ATG5: variants seen among roughly 807,000 people sequenced by gnomAD.
ATG5 encodes autophagy protein 5.
A neutral mutation model predicts 36.5 loss-of-function variants in ATG5; 14 were observed. The ratio of observed to expected loss-of-function variants is 0.38; its 90% CI spans 0.25 to 0.60. The LOEUF is 0.60. Ranked by LOEUF, ATG5 falls within the 20% of genes least tolerant of loss-of-function variation. ATG5 has a pLI of 0.60. For synonymous variants in ATG5, 95 were observed against 101.5 expected, an observed-to-expected ratio of 0.94 and a Z score of 0.38; for missense variants, 195 against 326.7, an observed-to-expected ratio of 0.60 and a Z score of 3.11.
At chr6:106,323,816 T>C (rs1348767822) in intron 1 of ATG5, among the ~76,000 whole-genome samples, 2 of 152,188 alleles carry the variant, frequency 1.3e-5, no homozygotes, top group African/African-American at 4.8e-5. Flanking sequence ...ACCCAACTCA[T>C]TCAAAGTACA....
At chr6:106,228,735 C>T (rs1389224441) in intron 6 of ATG5, among the ~76,000 whole-genome samples, 2 of 152,140 alleles carry the variant, frequency 1.3e-5, no homozygotes, top group Admixed American at 6.5e-5. Flanking sequence ...TGGCCTATCC[C>T]TTAGAATTGG....
intron 3 of ATG5, among the ~76,000 whole-genome samples, chr6:106,307,908 C>T (rs886370457): frequency 4.6e-5 from 7 of 152,134 alleles, no homozygotes; most frequent in Non-Finnish European, 7.3e-5. Flanking sequence ...ATTTTAAATA[C>T]TCTAAACCAA....
At chr6:106,214,918 A>AATTCTC (rs1471686428) in intron 6 of ATG5, among the ~76,000 whole-genome samples, 1 of 152,182 alleles carries the variant, frequency 6.6e-6, no homozygotes, top group Non-Finnish European at 1.5e-5. Flanking sequence ...ATTCTTAGTA[A>AATTCTC]TAATTAGGTA....
chr6:106,261,881 G>A, intron 5 of ATG5, among the ~76,000 whole-genome samples: 1 of 152,174 alleles, frequency 6.6e-6, no homozygotes, highest in African/African-American at 2.4e-5. Flanking sequence ...GAGGCCAGAA[G>A]TGCTGCTAAA....
chr6:106,325,643 C>G lies in ATG5; in HGVS notation c.-176G>C, dbSNP rs1465416894. On this transcript the variant is annotated 5_prime_UTR_variant, in exon 1 of 8. Coordinates refer to ENST00000369076, the MANE Select transcript of ATG5 (RefSeq NM_004849.4). ...CGCCTGACACACTGTCCTGCGGGGACGCGGTAGCAGGACTCCAGGAAGCCC... is the reference window on the plus strand; with the variant it reads ...CGCCTGACACACTGTCCTGCGGGGAGGCGGTAGCAGGACTCCAGGAAGCCC... 1.3e-5 allele frequency: 2 copies of G among 152,844 alleles called. No individual in the cohort carries two copies. The highest frequency in any genetic ancestry group is 1.3e-4 in the Admixed American group (2 of 15,296). The allele number at this position is 152,844 out of a possible 1,614,324, so 9.5% of individuals were successfully genotyped here.
At chr6:106,274,583 T>C (rs1417184659) in intron 5 of ATG5, among the ~76,000 whole-genome samples, 1 of 152,194 alleles carries the variant, frequency 6.6e-6, no homozygotes, top group East Asian at 1.9e-4. Flanking sequence ...AAAGGTTTAA[T>C]ATCTCTGACT....
intron 6 of ATG5, among the ~76,000 whole-genome samples, chr6:106,232,505 GA>G (rs1342139445): frequency 6.6e-6 from 1 of 152,074 alleles, no homozygotes; most frequent in African/African-American, 2.4e-5. Context: ...CTGGGCAACA[GA>G]AGGACAATAT....
At chr6:106,202,842 T>C (rs1487648821) in intron 6 of ATG5, among the ~76,000 whole-genome samples, 2 of 152,122 alleles carry the variant, frequency 1.3e-5, no homozygotes, top group African/African-American at 2.4e-5. Flanking sequence ...TTTGTATTTT[T>C]ACTAGAGATG....
At chr6:106,250,194 C>G (rs1778516406) in intron 5 of ATG5, among the ~76,000 whole-genome samples, 1 of 152,094 alleles carries the variant, frequency 6.6e-6, no homozygotes, top group African/African-American at 2.4e-5. Context: ...TATTACTAGA[C>G]CTGTTTGAAT....
intron 3 of ATG5, among the ~76,000 whole-genome samples, 183 bp from the exon 4 acceptor site, chr6:106,293,289 G>A (rs1780392536): frequency 6.6e-6 from 1 of 152,126 alleles, no homozygotes. Flanking sequence ...GGCATCAGGT[G>A]GTTTCCTTCT....
chr6:106,188,007 ATAC>A (rs1299684942), intron 7 of ATG5, among the ~76,000 whole-genome samples: 2 of 152,352 alleles, frequency 1.3e-5, no homozygotes, highest in East Asian at 1.9e-4. Context: ...TCACTTTATA[ATAC>A]TACTAACCTA....
At chr6:106,278,648 T>C (rs1779753364) in intron 5 of ATG5, among the ~76,000 whole-genome samples, 1 of 152,234 alleles carries the variant, frequency 6.6e-6, no homozygotes, top group South Asian at 2.1e-4. Flanking sequence ...TCTATTCAAA[T>C]TTCATTCCCA....
chr6:106,197,322 A>G (rs1249521115), intron 7 of ATG5, among the ~76,000 whole-genome samples: 3 of 152,172 alleles, frequency 2.0e-5, no homozygotes. Flanking sequence ...GAAATGTAAG[A>G]CCAGCCTGGG....
chr6:106,195,904 A>G (rs1044170203), intron 7 of ATG5, among the ~76,000 whole-genome samples: 2 of 152,054 alleles, frequency 1.3e-5, no homozygotes, highest in East Asian at 3.8e-4. Context: ...AATTTAACAG[A>G]ACAAAGAATC....
intron 7 of ATG5, among the ~76,000 whole-genome samples, chr6:106,200,244 C>A (rs568128998): frequency 6.6e-6 from 1 of 152,284 alleles, no homozygotes; most frequent in African/African-American, 2.4e-5. Context: ...ACCCACTGTT[C>A]CTAATTCTAC....
At chr6:106,262,599 T>A (rs927555028) in intron 5 of ATG5, among the ~76,000 whole-genome samples, 2 of 151,806 alleles carry the variant, frequency 1.3e-5, no homozygotes, top group Admixed American at 6.6e-5. Flanking sequence ...GGTCTGCAGC[T>A]CCCAGCGAGA....
intron 6 of ATG5, among the ~76,000 whole-genome samples, chr6:106,221,207 G>A (rs1241915281): frequency 2.0e-5 from 3 of 152,026 alleles, no homozygotes; most frequent in Non-Finnish European, 4.4e-5. Flanking sequence ...GTAATCTGAG[G>A]TCCTTTAAAA....
At chr6:106,237,803 T>C (rs1030052234) in intron 6 of ATG5, among the ~76,000 whole-genome samples, 3 of 152,216 alleles carry the variant, frequency 2.0e-5, no homozygotes, top group Non-Finnish European at 4.4e-5. Flanking sequence ...TAGGATTTCC[T>C]TAGTTTGTTC....
At chr6:106,284,953 C>T (rs1309901379) in intron 4 of ATG5, among the ~76,000 whole-genome samples, 1 of 152,182 alleles carries the variant, frequency 6.6e-6, no homozygotes, top group Non-Finnish European at 1.5e-5. Flanking sequence ...GCAACCCACA[C>T]ACAGTCTTGA....
Sources: gnomAD v4.1 joint callset for allele counts (sites outside exome capture counted in the v4.1 genomes callset) on GRCh38, gnomAD v4.1.1 for gene constraint, MANE v1.5 for transcripts, NCBI Gene and HGNC (gene_info 2026-07-23, HGNC 2026-07-21) for gene names.